Variants in PTPRD observed in about 807,000 individuals in gnomAD.
PTPRD encodes the protein protein tyrosine phosphatase receptor type D, also known as receptor-type tyrosine-protein phosphatase delta.
Under a neutral mutation model 214.5 loss-of-function variants are expected in PTPRD, and 34 were observed. The ratio of observed to expected loss-of-function variants is 0.16; its 90% CI spans 0.12 to 0.21. The LOEUF (loss-of-function observed/expected upper bound fraction) is 0.21, where lower values mean the gene tolerates loss of function less well. Ranked by LOEUF, PTPRD falls within the 10% of genes least tolerant of loss-of-function variation. The pLI is 1.00. For synonymous variants in PTPRD, 1,128 were observed against 845.7 expected, an observed-to-expected ratio of 1.33 and a Z score of -5.79; for missense variants, 2,545 against 2,398.7, an observed-to-expected ratio of 1.06 and a Z score of -1.27.
intron 30 of PTPRD, 120 bp downstream of exon 30, chr9:8,483,999 C>A: frequency 7.7e-7 from 1 of 1,295,700 alleles, no homozygotes. Flanking sequence ...GGAGTCTGAG[C>A]AGAAGAATCT....
chr9:9,825,962 C>T (rs1461030010), intron 5 of PTPRD, among the ~76,000 whole-genome samples: 1 of 151,060 alleles, frequency 6.6e-6, no homozygotes, highest in Admixed American at 6.6e-5. Flanking sequence ...GGTTGATATC[C>T]TTAAGTACAT....
Position 9,936,481 on chromosome 9 carries a change from C to T in PTPRD, c.-368+2026G>A, listed in dbSNP as rs200504500. Among the ~76,000 whole-genome samples the T allele has an allele frequency of 5.3e-5, 8 of 149,598 alleles. No individual in the cohort carries two copies. In the East Asian group the frequency reaches 1.4e-3, roughly 27 times the overall value. On this transcript the variant is annotated intron_variant, in intron 5 of 45. Coordinates refer to ENST00000381196, the MANE Select transcript of PTPRD (RefSeq NM_002839.4). ...CAAAAAACACATGAAAAAATGCTCA[C>T]CATCACTGGCCATCAGAGAAATGCA...
intron 11 of PTPRD, among the ~76,000 whole-genome samples, chr9:8,829,572 T>G (rs951520816): frequency 3.3e-5 from 5 of 152,164 alleles, no homozygotes; most frequent in Non-Finnish European, 7.3e-5. Flanking sequence ...TCACACTGGG[T>G]TAGAATTTCT....
intron 7 of PTPRD, among the ~76,000 whole-genome samples, chr9:9,629,383 A>G (rs1300114387): frequency 1.3e-5 from 2 of 151,920 alleles, no homozygotes; most frequent in Admixed American, 6.6e-5. Context: ...CCTTTATTTC[A>G]GGACTGTTTT....
At chr9:9,833,882 C>CTT (rs1285260740) in intron 5 of PTPRD, among the ~76,000 whole-genome samples, 1 of 152,036 alleles carries the variant, frequency 6.6e-6, no homozygotes, top group Non-Finnish European at 1.5e-5. Flanking sequence ...TTATCCTGTT[C>CTT]TTTTTTCAGG....
chr9:9,350,220 G>C (rs1374806034), intron 9 of PTPRD, among the ~76,000 whole-genome samples: 1 of 151,936 alleles, frequency 6.6e-6, no homozygotes, highest in Non-Finnish European at 1.5e-5. Context: ...TTGTCATATA[G>C]AAATAATAAC....
intron 10 of PTPRD, among the ~76,000 whole-genome samples, chr9:9,140,670 C>A (rs1317010263): frequency 6.6e-6 from 1 of 152,202 alleles, no homozygotes; most frequent in East Asian, 1.9e-4. Context: ...GCTTCGCCTC[C>A]CGGGTTCACG....
chr9:10,523,700 T>G (rs914226593), intron 2 of PTPRD, among the ~76,000 whole-genome samples: 2 of 147,518 alleles, frequency 1.4e-5, no homozygotes, highest in Non-Finnish European at 1.5e-5. Flanking sequence ...CTAATATGTT[T>G]GTTTACAGGT....
chr9:10,287,382 C>A (rs775651573), intron 3 of PTPRD, among the ~76,000 whole-genome samples: 1 of 152,174 alleles, frequency 6.6e-6, no homozygotes, highest in Non-Finnish European at 1.5e-5. Context: ...CCTGTACACT[C>A]ATAGCAAAAA....
intron 14 of PTPRD, among the ~76,000 whole-genome samples, chr9:8,572,043 T>C (rs915101260): frequency 2.0e-5 from 3 of 152,104 alleles, no homozygotes; most frequent in African/African-American, 7.2e-5. Context: ...ATGTGGCAAC[T>C]CTGTTTGACA....
intron 2 of PTPRD, among the ~76,000 whole-genome samples, chr9:10,506,418 T>C (rs1338152708): frequency 6.6e-6 from 1 of 152,128 alleles, no homozygotes; most frequent in Non-Finnish European, 1.5e-5. Flanking sequence ...AATGTACTTG[T>C]ATTCAAAATC....
intron 8 of PTPRD, among the ~76,000 whole-genome samples, chr9:9,554,674 C>A (rs1017033098): frequency 6.6e-6 from 1 of 151,898 alleles, no homozygotes; most frequent in African/African-American, 2.4e-5. Context: ...GAATTCAACT[C>A]CAGTGTCTTC....
intron 2 of PTPRD, among the ~76,000 whole-genome samples, chr9:10,527,566 A>G (rs2054692846): frequency 1.3e-5 from 2 of 152,332 alleles, no homozygotes; most frequent in South Asian, 4.1e-4. Flanking sequence ...ATACATGTAG[A>G]ATAGCTTAAA....
chr9:8,361,022 C>T (rs540992393), intron 39 of PTPRD, among the ~76,000 whole-genome samples: 23 of 152,268 alleles, frequency 1.5e-4, no homozygotes, highest in Admixed American at 1.3e-3. Flanking sequence ...TATGTTCAAA[C>T]CTTTTTTTCT....
chr9:9,257,328 G>T (rs967186168), intron 9 of PTPRD, among the ~76,000 whole-genome samples: 1 of 151,928 alleles, frequency 6.6e-6, no homozygotes, highest in African/African-American at 2.4e-5. Context: ...ATATTATGAT[G>T]TTGAGTCTGT....
intron 3 of PTPRD, among the ~76,000 whole-genome samples, chr9:10,334,310 A>G (rs551185160): frequency 8.6e-5 from 13 of 151,858 alleles, no homozygotes; most frequent in Non-Finnish European, 1.3e-4. Flanking sequence ...ACATAATAAT[A>G]CCAATAGATC....
chr9:8,750,601 G>C (rs1463124780), intron 11 of PTPRD, among the ~76,000 whole-genome samples: 1 of 152,130 alleles, frequency 6.6e-6, no homozygotes, highest in Non-Finnish European at 1.5e-5. Flanking sequence ...AGAAGGGTGG[G>C]GCATGTAAGC....
intron 2 of PTPRD, among the ~76,000 whole-genome samples, chr9:10,445,087 G>A (rs1158968471): frequency 6.6e-6 from 1 of 151,920 alleles, no homozygotes; most frequent in Non-Finnish European, 1.5e-5. Flanking sequence ...GGATAAATAA[G>A]GTGCTTTGGT....
intron 3 of PTPRD, among the ~76,000 whole-genome samples, chr9:10,287,885 G>C (rs937797631): frequency 6.6e-6 from 1 of 152,010 alleles, no homozygotes; most frequent in Non-Finnish European, 1.5e-5. Flanking sequence ...TTGCCAGACA[G>C]AGGGGGTTTT....
Sources: allele counts gnomAD v4.1 joint callset (sites outside exome capture counted in the v4.1 genomes callset), GRCh38; gene constraint gnomAD v4.1.1; transcripts MANE v1.5; gene names NCBI Gene and HGNC (gene_info 2026-07-23, HGNC 2026-07-21).